Variants in URI1 observed in about 807,000 individuals in gnomAD.
The protein encoded by URI1 is unconventional prefoldin RPB5 interactor 1.
Under a neutral mutation model 60.2 loss-of-function variants are expected in URI1, and 39 were observed. The observed-to-expected ratio is 0.65, with a 90% CI of 0.50 to 0.85. URI1 has a LOEUF of 0.85. Among genes scored for constraint, URI1 ranks in the 40% least tolerant of loss-of-function variants. The pLI, the probability that URI1 is intolerant of heterozygous loss-of-function variation, is 0.00. For missense variants in URI1, 691 were observed against 665.9 expected (o/e 1.04, Z -0.42); for synonymous variants, 251 against 236.8 (o/e 1.06, Z -0.55).
intron 3 of URI1, among the ~76,000 whole-genome samples, 164 bp downstream of exon 3, chr19:29,985,465 T>G (rs2055656823): frequency 6.6e-6 from 1 of 152,158 alleles, no homozygotes; most frequent in African/African-American, 2.4e-5. Flanking sequence ...ATTGTAGTAA[T>G]TGTTGGTATT....
At chr19:29,957,358 A>G (rs1337501409) in intron 1 of URI1, among the ~76,000 whole-genome samples, 1 of 147,596 alleles carries the variant, frequency 6.8e-6, no homozygotes, top group Non-Finnish European at 1.5e-5. Context: ...TATTGTAACA[A>G]AAAATTCTAG....
chr19:29,978,804 A>T (rs1475446154), intron 2 of URI1, among the ~76,000 whole-genome samples: 1 of 152,094 alleles, frequency 6.6e-6, no homozygotes, highest in Non-Finnish European at 1.5e-5. Flanking sequence ...GGGTTTTCAC[A>T]TTTTTCTTTT....
rs188172144 is a variant in URI1 at position 30,009,264 on chromosome 19, G to A, written c.946G>A (p.Asp316Asn). Reference sequence around the variant, plus strand: ...CGACGACGACGACAACATTGACGACGATGATGGTGATAACGACCATGAGGC... The same window carrying A: ...CGACGACGACGACAACATTGACGACAATGATGGTGATAACGACCATGAGGC... ...DDDDDDNIDD[D>N]DGDNDHEALG... The change falls in exon 8 of 11, where the codon GAT becomes AAT. Residue 316 changes from aspartate to asparagine, a missense_variant. Transcript: ENST00000392271. 1.1e-5 allele frequency: 17 copies of A among 1,613,982 alleles called. No individual in the cohort carries two copies. The highest frequency in any genetic ancestry group is 3.3e-5 in the South Asian group (3 of 91,072).
chr19:29,993,330 T>G (rs2055769442), intron 4 of URI1, among the ~76,000 whole-genome samples: 1 of 152,154 alleles, frequency 6.6e-6, no homozygotes, highest in African/African-American at 2.4e-5. Context: ...CATAATCAAG[T>G]AAGTTTGTAG....
chr19:30,016,070 T>A lies in URI1; in HGVS notation c.*1001T>A, dbSNP rs1354347512. The A allele has an allele frequency of 6.6e-6, 1 of 152,620 alleles. No homozygotes were observed. The highest frequency in any genetic ancestry group is 1.5e-5 in the Non-Finnish European group (1 of 68,362). The allele number at this position is 152,620 out of a possible 1,614,324, so 9.5% of individuals were successfully genotyped here. On this transcript the variant is annotated 3_prime_UTR_variant, in exon 11 of 11. Coordinates refer to ENST00000392271, the MANE Select transcript of URI1 (RefSeq NM_003796.3). Reference sequence around the variant, plus strand: ...TTGATGCATGCTAAAATGTAGCTTTTAAAAAGCATTCTGCATTAGTACTAA... The same window carrying A: ...TTGATGCATGCTAAAATGTAGCTTTAAAAAAGCATTCTGCATTAGTACTAA...
At position 29,953,691 on chromosome 19, in the gene URI1, GT is replaced by G. The variant is rs71333422; in HGVS notation, c.117+11039del. On this transcript the variant is annotated intron_variant, in intron 1 of 10. Coordinates refer to ENST00000392271, the MANE Select transcript of URI1 (RefSeq NM_003796.3). ...CTTCCATTTTCTCATTTTCTTATTA[GT>G]TTTTTTTTTTTAGAGCGTAGTTAGG... Among the ~76,000 whole-genome samples, 132 of 147,216 alleles carry G rather than the reference GT, an allele frequency of 9.0e-4. 2 individuals are homozygous for G. In the East Asian group the frequency reaches 0.019, roughly 21 times the overall value.
At chr19:29,961,538 T>G (rs763070340) in intron 1 of URI1, among the ~76,000 whole-genome samples, 2 of 152,188 alleles carry the variant, frequency 1.3e-5, no homozygotes, top group Non-Finnish European at 2.9e-5. Context: ...GAATGTATTA[T>G]GCAGTGTATT....
In URI1 at chr19:29,942,365, G is replaced by A; in HGVS notation, c.-183G>A. On this transcript the variant is annotated 5_prime_UTR_variant, in exon 1 of 11. It adds an upstream start codon to the 5' untranslated region. Coordinates refer to ENST00000392271, the MANE Select transcript of URI1 (RefSeq NM_003796.3). ...GCGGCGGCGGCGGGGACATGCACGT[G>A]TGAGATGCGGCAGCGGGCGGCGCGG... 1.0e-6 allele frequency: 1 copy of A among 984,742 alleles called. No homozygotes were observed. The highest frequency in any genetic ancestry group is 1.2e-6 in the Non-Finnish European group (1 of 829,706). The allele number at this position is 984,742 out of a possible 1,614,324, so 61.0% of individuals were successfully genotyped here. A position where few individuals can be genotyped will look rare whatever the true frequency, so the allele number is the denominator to read the frequency against.
chr19:29,985,602 C>T (rs1011733213), intron 3 of URI1, among the ~76,000 whole-genome samples: 2 of 152,020 alleles, frequency 1.3e-5, no homozygotes, highest in South Asian at 4.2e-4. Context: ...GGTACTAAGT[C>T]GTTTCTTGTT....
intron 4 of URI1, among the ~76,000 whole-genome samples, chr19:29,989,304 G>GT (rs1054981937): frequency 3.3e-5 from 5 of 151,372 alleles, no homozygotes; most frequent in African/African-American, 1.2e-4. Context: ...GTAGAGATGG[G>GT]GTTTCACCAT....
chr19:29,953,151 A>G (rs2055200379), intron 1 of URI1, among the ~76,000 whole-genome samples: 1 of 152,234 alleles, frequency 6.6e-6, no homozygotes, highest in Admixed American at 6.5e-5. Flanking sequence ...TCATTTCACC[A>G]TCACGAGTGT....
At chr19:29,927,653 T>C (rs2054881442) in intron 1 of URI1, among the ~76,000 whole-genome samples, 1 of 140,240 alleles carries the variant, frequency 7.1e-6, no homozygotes, top group Non-Finnish European at 1.5e-5. Flanking sequence ...CTCAGCTCAC[T>C]GCAACCTCCA....
chr19:29,925,954 A>G (rs1050421805), intron 1 of URI1: 7 of 152,226 alleles, frequency 4.6e-5, no homozygotes, highest in African/African-American at 1.7e-4. Flanking sequence ...CACTAGTCCA[A>G]AGGATTGGAA....
intron 7 of URI1, among the ~76,000 whole-genome samples, chr19:30,008,725 A>C (rs1278521877): frequency 2.0e-5 from 3 of 152,094 alleles, no homozygotes. Flanking sequence ...TATTGATACT[A>C]TATTTATATT....
At chr19:29,956,305 T>TTTTAA in intron 1 of URI1, 1 of 650,622 alleles carries the variant, frequency 1.5e-6, no homozygotes, top group Non-Finnish European at 2.3e-6. Context: ...TTTTTTTTTT[T>TTTTAA]AAGAAGGTCC....
chr19:29,988,521 A>T (rs2055702445), intron 4 of URI1, among the ~76,000 whole-genome samples: 5 of 152,208 alleles, frequency 3.3e-5, no homozygotes, highest in Admixed American at 3.3e-4. Context: ...CTGCTGAAGG[A>T]TTGACGACTT....
chr19:29,937,807 G>A (rs2054986440), upstream of URI1: 1 of 152,116 alleles, frequency 6.6e-6, no homozygotes, highest in African/African-American at 2.4e-5. Flanking sequence ...CCAATTTTTG[G>A]AGGACAAGGG....
At chr19:29,942,695 C>T in intron 1 of URI1, 31 bp downstream of exon 1, 7 of 1,362,254 alleles carry the variant, frequency 5.1e-6, no homozygotes, top group Non-Finnish European at 6.6e-6. Context: ...GCTTCCGCCT[C>T]CGCCCGCCGG....
At chr19:30,002,182 C>G (rs574063264) in intron 4 of URI1, among the ~76,000 whole-genome samples, 1 of 152,066 alleles carries the variant, frequency 6.6e-6, no homozygotes, top group South Asian at 2.1e-4. Flanking sequence ...ATGTTCATAA[C>G]TTTTATTAGT....
Sources: allele counts gnomAD v4.1 joint callset (sites outside exome capture counted in the v4.1 genomes callset), GRCh38; gene constraint gnomAD v4.1.1; transcripts MANE v1.5; gene names NCBI Gene and HGNC (gene_info 2026-07-23, HGNC 2026-07-21).